The following OPCML variants were observed in gnomAD, a reference collection of about 807,000 sequenced individuals.
OPCML encodes opioid-binding protein/cell adhesion molecule.
OPCML carries 13 observed loss-of-function variants against 37.8 expected under a neutral mutation model. The observed-to-expected ratio is 0.34, with a 90% CI of 0.22 to 0.55. The LOEUF (loss-of-function observed/expected upper bound fraction) is 0.55, where lower values mean the gene tolerates loss of function less well. Ranked by LOEUF, OPCML falls within the 20% of genes least tolerant of loss-of-function variation. The pLI is 0.91. For missense variants in OPCML, 341 were observed against 435.6 expected (o/e 0.78, Z 1.93); for synonymous variants, 176 against 168.8 (o/e 1.04, Z -0.33).
At chr11:132,728,263 G>C (rs1944956256) in intron 2 of OPCML, among the ~76,000 whole-genome samples, 1 of 152,144 alleles carries the variant, frequency 6.6e-6, no homozygotes, top group African/African-American at 2.4e-5. Context: ...TATGCTGAGA[G>C]TGTCCTGCCT....
intron 3 of OPCML, among the ~76,000 whole-genome samples, chr11:132,533,140 GATA>G: frequency 6.6e-6 from 1 of 152,266 alleles, no homozygotes. Context: ...TTAACTAAAG[GATA>G]ATAAGTAGCA....
intron 3 of OPCML, among the ~76,000 whole-genome samples, chr11:132,546,174 T>C: frequency 6.6e-6 from 1 of 152,232 alleles, no homozygotes; most frequent in East Asian, 1.9e-4. Context: ...CCTACTGTCT[T>C]CGGTGAACTC....
At chr11:133,180,753 G>A (rs150065806) in intron 1 of OPCML, among the ~76,000 whole-genome samples, 35 of 151,164 alleles carry the variant, frequency 2.3e-4, no homozygotes, top group African/African-American at 8.0e-4. Flanking sequence ...GCTGCTTTAC[G>A]GTACGCATCA....
chr11:133,318,706 C>T lies in OPCML; in HGVS notation c.61+213558G>A, dbSNP rs117388167. Among the ~76,000 whole-genome samples the T allele has an allele frequency of 6.1e-3, 923 of 152,218 alleles. 2 individuals are homozygous for T. The highest frequency in any genetic ancestry group is 0.017 in the Middle Eastern group (5 of 294). On this transcript the variant is annotated intron_variant, in intron 1 of 7. Transcript: ENST00000524381. ...GTCGCATTTAGTGCAGTAATGAGCA[C>T]GCTACAGCGGTTACTGGCTCCATTC...
intron 1 of OPCML, among the ~76,000 whole-genome samples, chr11:133,369,721 C>T (rs1303618554): frequency 4.6e-5 from 7 of 152,110 alleles, no homozygotes; most frequent in Admixed American, 4.6e-4. Flanking sequence ...TACACACACA[C>T]TCACACACAT....
chr11:132,916,042 C>A (rs1944591226), intron 2 of OPCML, among the ~76,000 whole-genome samples: 1 of 152,026 alleles, frequency 6.6e-6, no homozygotes. Context: ...TGTAAGTGTG[C>A]ATGTATGGGT....
chr11:133,027,804 G>GTATTATGT (rs1565405440), intron 1 of OPCML, among the ~76,000 whole-genome samples: 8 of 150,138 alleles, frequency 5.3e-5, no homozygotes, highest in African/African-American at 4.9e-5. Flanking sequence ...GTGTGTGTGT[G>GTATTATGT]GTGTCTGTGG....
chr11:132,854,268 C>A (rs1476423176), intron 2 of OPCML, among the ~76,000 whole-genome samples: 1 of 152,224 alleles, frequency 6.6e-6, no homozygotes, highest in Non-Finnish European at 1.5e-5. Flanking sequence ...CTTCTGGCCC[C>A]ATGGAGTTGG....
intron 1 of OPCML, among the ~76,000 whole-genome samples, chr11:132,978,215 T>A (rs1465711489): frequency 6.6e-6 from 1 of 152,108 alleles, no homozygotes; most frequent in Non-Finnish European, 1.5e-5. Flanking sequence ...AGGTAGGAGA[T>A]AAAAGGTAGG....
chr11:133,034,613 TA>T lies in OPCML; in HGVS notation c.62-91604del, dbSNP rs537577430. 1.4e-4 allele frequency among the ~76,000 whole-genome samples: 22 copies of T among 152,336 alleles called. No homozygotes were observed. In the East Asian group the frequency reaches 3.1e-3, roughly 21 times the overall value. ...TTTACTGTGCCTCAACGTTCTTCAA[TA>T]AAGAATGCTGCTGTATGTAGAGAAT... On this transcript the variant is annotated intron_variant, in intron 1 of 7. Coordinates refer to ENST00000524381, the MANE Select transcript of OPCML (RefSeq NM_001012393.5).
At chr11:133,325,020 C>T (rs7101547) in intron 1 of OPCML, among the ~76,000 whole-genome samples, 45,989 of 151,978 alleles carry the variant, frequency 0.3, 8,248 homozygotes, top group East Asian at 0.66. Flanking sequence ...TTGCAAGTAC[C>T]ACGTTCTATA....
chr11:132,994,355 G>T (rs1946840996), intron 1 of OPCML, among the ~76,000 whole-genome samples: 1 of 152,216 alleles, frequency 6.6e-6, no homozygotes, highest in Admixed American at 6.5e-5. Context: ...AACCTACCAG[G>T]TCAGCGTGAG....
intron 1 of OPCML, among the ~76,000 whole-genome samples, chr11:133,221,058 C>A (rs373943511): frequency 6.6e-6 from 1 of 152,208 alleles, no homozygotes; most frequent in African/African-American, 2.4e-5. Flanking sequence ...GATCCCCAAA[C>A]TATTTTGTAA....
chr11:132,761,911 C>A (rs1357750574), intron 2 of OPCML, among the ~76,000 whole-genome samples: 1 of 152,052 alleles, frequency 6.6e-6, no homozygotes, highest in African/African-American at 2.4e-5. Context: ...GAATATTCAG[C>A]CTTTTTGCAC....
In OPCML at chr11:132,986,044, GCTT is replaced by G. The variant is rs527507091; in HGVS notation, c.62-43037_62-43035del. On this transcript the variant is annotated intron_variant, in intron 1 of 7. Coordinates refer to ENST00000524381, the MANE Select transcript of OPCML (RefSeq NM_001012393.5). ...CCACTGCCTGGAATGTGTTTATGAT[GCTT>G]CTTCTTTCTCTAGCAAACTGTCATT... 1.9e-3 allele frequency among the ~76,000 whole-genome samples: 283 copies of G among 152,212 alleles called. 3 individuals carry two copies. The highest frequency in any genetic ancestry group is 3.4e-3 in the Middle Eastern group (1 of 292).
At chr11:133,235,548 C>A (rs1022816145) in intron 1 of OPCML, among the ~76,000 whole-genome samples, 1 of 152,194 alleles carries the variant, frequency 6.6e-6, no homozygotes, top group Non-Finnish European at 1.5e-5. Context: ...TGTGTCAGCA[C>A]CAGCACCCAA....
chr11:132,811,886 T>A (rs2136227649), intron 2 of OPCML, among the ~76,000 whole-genome samples: 2 of 152,358 alleles, frequency 1.3e-5, no homozygotes, highest in South Asian at 4.1e-4. Context: ...AGCATCAGCT[T>A]GTTCACAGGA....
At chr11:132,910,257 G>A (rs1944383390) in intron 2 of OPCML, among the ~76,000 whole-genome samples, 1 of 138,456 alleles carries the variant, frequency 7.2e-6, no homozygotes, top group African/African-American at 2.7e-5. Context: ...CAGGGCTGGG[G>A]GTAGGGGGCC....
At position 133,173,371 on chromosome 11, in the gene OPCML, T is replaced by TA; in HGVS notation, c.62-230362dup. ...TGGAGTCTGAGACTCATAGAGAGGG[T>TA]ATCGATAGGAGTACAGATCCCAGTA... On this transcript the variant is annotated intron_variant, in intron 1 of 7. Transcript: ENST00000524381. This position sits in a 1 kb window ranked among gnomAD's most constrained non-coding sequence, Gnocchi z 7.8. Among the ~76,000 whole-genome samples, 1 of 152,158 alleles carries TA rather than the reference T, an allele frequency of 6.6e-6. No individual in the cohort carries two copies. Among genetic ancestry groups the TA allele is most frequent in the East Asian group, 1.9e-4 (1 of 5,180 alleles).
Sources: gnomAD v4.1 joint callset for allele counts (sites outside exome capture counted in the v4.1 genomes callset) on GRCh38, gnomAD v4.1.1 for gene constraint, Gnocchi (gnomAD v3.1) non-coding constraint, MANE v1.5 for transcripts, NCBI Gene and HGNC (gene_info 2026-07-23, HGNC 2026-07-21) for gene names.